ENOPH1: variants seen among roughly 807,000 people sequenced by gnomAD.
ENOPH1 encodes the protein enolase-phosphatase 1.
In ENOPH1, 14 loss-of-function variants were observed where a neutral mutation model predicts 31.1. The observed-to-expected ratio is 0.45, with a 90% CI of 0.30 to 0.70. The LOEUF (loss-of-function observed/expected upper bound fraction) is 0.70. Among genes scored for constraint, ENOPH1 ranks in the 30% least tolerant of loss-of-function variants. ENOPH1 has a pLI of 0.09. For missense variants in ENOPH1, 243 were observed against 321.5 expected (o/e 0.76, Z 1.87); for synonymous variants, 127 against 123.2 (o/e 1.03, Z -0.21).
intron 1 of ENOPH1, among the ~76,000 whole-genome samples, chr4:82,434,802 G>T (rs1190381994): frequency 6.6e-6 from 1 of 152,186 alleles, no homozygotes; most frequent in African/African-American, 2.4e-5. Flanking sequence ...AGCTACTGGG[G>T]AGGCTGAGGT....
At chr4:82,442,452 G>A (rs1235062580) in intron 1 of ENOPH1, among the ~76,000 whole-genome samples, 1 of 152,126 alleles carries the variant, frequency 6.6e-6, no homozygotes, top group Non-Finnish European at 1.5e-5. Context: ...CTCAGGAGGT[G>A]GAGGTTGCAG....
At chr4:82,443,478 C>T (rs1438995858) in intron 1 of ENOPH1, among the ~76,000 whole-genome samples, 1 of 151,774 alleles carries the variant, frequency 6.6e-6, no homozygotes, top group East Asian at 2.0e-4. Flanking sequence ...CTTGTAATCC[C>T]AGCACTTTGG....
At chr4:82,438,354 G>A (rs1189131368) in intron 1 of ENOPH1, among the ~76,000 whole-genome samples, 1 of 152,150 alleles carries the variant, frequency 6.6e-6, no homozygotes, top group African/African-American at 2.4e-5. Context: ...TATGTAGTCA[G>A]ACTTATTGAG....
intron 1 of ENOPH1, among the ~76,000 whole-genome samples, chr4:82,440,742 C>T (rs1722017829): frequency 6.6e-6 from 1 of 152,172 alleles, no homozygotes; most frequent in Non-Finnish European, 1.5e-5. Flanking sequence ...AATTAGATAA[C>T]AGTGTATCTT....
At chr4:82,459,792 A>T (rs1004820457) in intron 5 of ENOPH1, among the ~76,000 whole-genome samples, 189 bp from the exon 6 acceptor site, 5 of 152,184 alleles carry the variant, frequency 3.3e-5, no homozygotes, top group African/African-American at 1.2e-4. Context: ...TCATGGAAAA[A>T]TTAAAACATA....
chr4:82,447,211 C>T (rs1161464066), intron 1 of ENOPH1, among the ~76,000 whole-genome samples: 3 of 152,100 alleles, frequency 2.0e-5, no homozygotes, highest in Non-Finnish European at 4.4e-5. Flanking sequence ...GTCTCAAACT[C>T]CTGACCTCAG....
intron 4 of ENOPH1, among the ~76,000 whole-genome samples, chr4:82,455,597 G>T (rs1296755570): frequency 6.7e-6 from 1 of 150,094 alleles, no homozygotes; most frequent in Admixed American, 6.7e-5. Flanking sequence ...TGGCTAACAT[G>T]GTGAAACCCC....
At chr4:82,446,768 G>A (rs1228776726) in intron 1 of ENOPH1, among the ~76,000 whole-genome samples, 93 of 138,774 alleles carry the variant, frequency 6.7e-4, no homozygotes, top group African/African-American at 1.0e-3. Flanking sequence ...CTGCAGTGGC[G>A]CAATCTCGGC....
In ENOPH1 at chr4:82,460,337, G is replaced by A; in HGVS notation, c.*217G>A. The A allele has an allele frequency of 4.5e-6, 2 of 440,456 alleles. No individual in the cohort carries two copies. Among genetic ancestry groups the A allele is most frequent in the Non-Finnish European group, 8.0e-6 (2 of 251,218 alleles). The allele number at this position is 440,456 out of a possible 1,614,324, so 27.3% of individuals were successfully genotyped here. A position where few individuals can be genotyped will look rare whatever the true frequency, so the allele number is the denominator to read the frequency against. On this transcript the variant is annotated 3_prime_UTR_variant, in exon 6 of 6. Coordinates refer to ENST00000273920, the MANE Select transcript of ENOPH1 (RefSeq NM_021204.5). ...AAACTTATTTAAAGATGCTTTATAT[G>A]TAGAAATTGTTTCAAATCATACTCT...
At chr4:82,437,163 C>T (rs1437743966) in intron 1 of ENOPH1, among the ~76,000 whole-genome samples, 1 of 152,144 alleles carries the variant, frequency 6.6e-6, no homozygotes, top group Non-Finnish European at 1.5e-5. Context: ...AGTATTGTGG[C>T]ATTAGCATAA....
At chr4:82,448,594 T>A (rs1470241332) in intron 2 of ENOPH1, among the ~76,000 whole-genome samples, 1 of 151,168 alleles carries the variant, frequency 6.6e-6, no homozygotes, top group African/African-American at 2.4e-5. Flanking sequence ...TGCAAATATA[T>A]GATATTGTTA....
intron 1 of ENOPH1, among the ~76,000 whole-genome samples, chr4:82,433,429 GAA>G (rs1229987764): frequency 2.0e-5 from 3 of 152,202 alleles, no homozygotes; most frequent in Non-Finnish European, 2.9e-5. Context: ...GGCTGCAAAA[GAA>G]TGATTTAGGG....
At position 82,460,232 on chromosome 4, in the gene ENOPH1, T is replaced by A; in HGVS notation, c.*112T>A. 9.2e-7 allele frequency: 1 copy of A among 1,092,148 alleles called. No homozygotes were observed. The highest frequency in any genetic ancestry group is 1.4e-6 in the Non-Finnish European group (1 of 739,520). The allele number at this position is 1,092,148 out of a possible 1,614,324, so 67.7% of individuals were successfully genotyped here. On this transcript the variant is annotated 3_prime_UTR_variant, in exon 6 of 6. Coordinates refer to ENST00000273920, the MANE Select transcript of ENOPH1 (RefSeq NM_021204.5). ...TAAAAAACATATGTACACATATGTA[T>A]GCAAGTATGTATATATGTGTATGCT... is the stretch of plus-strand genomic sequence containing the variant.
At chr4:82,448,424 C>T (rs1722255566) in intron 2 of ENOPH1, among the ~76,000 whole-genome samples, 1 of 151,754 alleles carries the variant, frequency 6.6e-6, no homozygotes, top group Middle Eastern at 3.4e-3. Flanking sequence ...CCATGCCCAG[C>T]TAATTTTTTG....
chr4:82,430,992 A>G (rs1721732716), intron 1 of ENOPH1, 79 bp downstream of exon 1: 3 of 1,317,044 alleles, frequency 2.3e-6, no homozygotes, highest in South Asian at 2.5e-5. Flanking sequence ...CAGGCCTTGC[A>G]TTGGAGACGA....
chr4:82,443,696 C>G (rs922378636), intron 1 of ENOPH1, among the ~76,000 whole-genome samples: 1 of 141,906 alleles, frequency 7.0e-6, no homozygotes, highest in Non-Finnish European at 1.6e-5. Context: ...CCACTGCCCT[C>G]CAGCCTGGGA....
At chr4:82,439,505 T>C (rs1721988839) in intron 1 of ENOPH1, among the ~76,000 whole-genome samples, 1 of 152,172 alleles carries the variant, frequency 6.6e-6, no homozygotes, top group East Asian at 1.9e-4. Flanking sequence ...TTAGATCCCT[T>C]TGATGGGGGT....
intron 1 of ENOPH1, among the ~76,000 whole-genome samples, chr4:82,440,648 T>C (rs1722015628): frequency 6.6e-6 from 1 of 152,348 alleles, no homozygotes; most frequent in Non-Finnish European, 1.5e-5. Context: ...CTGTTTCTTT[T>C]GTGCTGCTTC....
chr4:82,454,691 C>G (rs370880848), intron 3 of ENOPH1, 31 bp from the exon 4 acceptor site: 398 of 1,603,132 alleles, frequency 2.5e-4, no homozygotes, highest in Non-Finnish European at 3.3e-4. Context: ...TGAGGTGTTC[C>G]TGTATTTTAA....
Sources: allele counts gnomAD v4.1 joint callset (sites outside exome capture counted in the v4.1 genomes callset), GRCh38; gene constraint gnomAD v4.1.1; transcripts MANE v1.5; gene names NCBI Gene and HGNC (gene_info 2026-07-23, HGNC 2026-07-21).